Variants in AGMO observed in about 807,000 individuals in gnomAD.
The protein encoded by AGMO is glyceryl-ether monooxygenase.
AGMO carries 75 observed loss-of-function variants against 60.2 expected under a neutral mutation model. The ratio of observed to expected loss-of-function variants is 1.25; its 90% confidence interval spans 1.03 to 1.51. AGMO has a LOEUF of 1.51. Ranked by LOEUF, AGMO falls within the 40% of genes most tolerant of loss-of-function variation. The probability of loss-of-function intolerance (pLI) is 0.00; values close to 1 mark genes in which losing one functional copy is unlikely to be tolerated. For synonymous variants in AGMO, 261 were observed against 177.1 expected (o/e 1.47, Z -3.76); for missense variants, 763 against 525.5 (o/e 1.45, Z -4.42).
intron 12 of AGMO, among the ~76,000 whole-genome samples, chr7:15,233,077 T>TA: frequency 6.6e-6 from 1 of 152,332 alleles, no homozygotes; most frequent in South Asian, 2.1e-4. Flanking sequence ...AATAGCCATG[T>TA]AGGTTTGATT....
At chr7:15,501,277 T>C (rs1783380211) in intron 3 of AGMO, among the ~76,000 whole-genome samples, 1 of 151,928 alleles carries the variant, frequency 6.6e-6, no homozygotes, top group African/African-American at 2.4e-5. Flanking sequence ...ATGCTGTCAG[T>C]AGGGTGGCAA....
intron 3 of AGMO, among the ~76,000 whole-genome samples, chr7:15,451,970 A>G (rs1437902246): frequency 6.6e-6 from 1 of 152,220 alleles, no homozygotes; most frequent in Admixed American, 6.5e-5. Flanking sequence ...GGATTGGCCA[A>G]GACACAGCTA....
chr7:15,198,286 C>T (rs898524535), downstream of AGMO, among the ~76,000 whole-genome samples: 3 of 136,274 alleles, frequency 2.2e-5, no homozygotes, highest in Admixed American at 1.5e-4. Context: ...TGTTAAAGTC[C>T]TTCCAGTAAG....
At chr7:15,535,704 T>C (rs1025890050) in intron 3 of AGMO, among the ~76,000 whole-genome samples, 1 of 151,940 alleles carries the variant, frequency 6.6e-6, no homozygotes, top group Non-Finnish European at 1.5e-5. Context: ...ACATGAGATA[T>C]TTTGGTGCAG....
At chr7:15,368,842 T>C (rs1783090002) in intron 10 of AGMO, among the ~76,000 whole-genome samples, 1 of 149,978 alleles carries the variant, frequency 6.7e-6, no homozygotes, top group Admixed American at 6.6e-5. Flanking sequence ...AATAACTCTT[T>C]ACCAAACTGC....
intron 12 of AGMO, among the ~76,000 whole-genome samples, chr7:15,278,329 C>T (rs1315309133): frequency 6.6e-6 from 1 of 152,178 alleles, no homozygotes; most frequent in Admixed American, 6.5e-5. Context: ...CCTTAGGACC[C>T]GGGGAGAGTG....
chr7:15,199,244 T>C (rs2115461359), downstream of AGMO, among the ~76,000 whole-genome samples: 1 of 152,300 alleles, frequency 6.6e-6, no homozygotes, highest in South Asian at 2.1e-4. Flanking sequence ...TTGGCACAAA[T>C]TTGTATCTTG....
At chr7:15,469,717 G>C (rs150064312) in intron 3 of AGMO, among the ~76,000 whole-genome samples, 59 of 152,154 alleles carry the variant, frequency 3.9e-4, no homozygotes, top group Admixed American at 2.6e-4. Context: ...TTATGAGATG[G>C]TGATGATATT....
At chr7:15,402,615 TATATATTAA>T (rs898772583) in intron 5 of AGMO, among the ~76,000 whole-genome samples, 1 of 147,588 alleles carries the variant, frequency 6.8e-6, no homozygotes. Flanking sequence ...TTAATAATAA[TATATATTAA>T]ATATATTAAA....
At chr7:15,483,672 T>C (rs932958389) in intron 3 of AGMO, among the ~76,000 whole-genome samples, 1 of 152,078 alleles carries the variant, frequency 6.6e-6, no homozygotes, top group Non-Finnish European at 1.5e-5. Flanking sequence ...TTAGAAGGAA[T>C]TATTGAAAAA....
At chr7:15,386,571 G>C (rs142533311) in intron 9 of AGMO, among the ~76,000 whole-genome samples, 2 of 152,124 alleles carry the variant, frequency 1.3e-5, no homozygotes, top group Non-Finnish European at 2.9e-5. Context: ...TATTCCTAGC[G>C]GCGTTGGTAA....
chr7:15,555,205 TA>T (rs1785094208), intron 2 of AGMO, among the ~76,000 whole-genome samples: 1 of 150,210 alleles, frequency 6.7e-6, no homozygotes, highest in Non-Finnish European at 1.5e-5. Context: ...AATCAATATT[TA>T]AAAAAGATTA....
chr7:15,144,458 A>T, the AGMO span, among the ~76,000 whole-genome samples: 1 of 152,244 alleles, frequency 6.6e-6, no homozygotes, highest in Non-Finnish European at 1.5e-5. Context: ...TACCCAGAAA[A>T]GTATAAGAAA....
At chr7:15,429,404 G>C (rs568522974) in intron 4 of AGMO, among the ~76,000 whole-genome samples, 1 of 152,124 alleles carries the variant, frequency 6.6e-6, no homozygotes, top group East Asian at 1.9e-4. Context: ...AACGCCATGT[G>C]AAAATAAGAA....
chr7:15,368,220 G>C (rs1020688687), intron 10 of AGMO, among the ~76,000 whole-genome samples: 12 of 150,594 alleles, frequency 8.0e-5, no homozygotes, highest in East Asian at 7.8e-4. Flanking sequence ...CAGAGCAAGA[G>C]AGTGCTATTA....
intron 12 of AGMO, among the ~76,000 whole-genome samples, chr7:15,332,597 T>G (rs965224492): frequency 1.3e-5 from 2 of 152,158 alleles, no homozygotes; most frequent in Non-Finnish European, 2.9e-5. Flanking sequence ...TTAGAAGCTG[T>G]ATGACCCTTG....
chr7:15,384,659 G>A (rs879849732), intron 10 of AGMO, among the ~76,000 whole-genome samples: 2 of 151,754 alleles, frequency 1.3e-5, no homozygotes, highest in Non-Finnish European at 2.9e-5. Flanking sequence ...TTGGTAACAA[G>A]GTATAAAAAC....
intron 12 of AGMO, among the ~76,000 whole-genome samples, chr7:15,238,420 A>C (rs996244137): frequency 1.3e-5 from 2 of 151,912 alleles, no homozygotes; most frequent in Non-Finnish European, 2.9e-5. Context: ...AATTGTGTTT[A>C]ATATTCCCAA....
intron 12 of AGMO, among the ~76,000 whole-genome samples, chr7:15,219,632 G>C (rs576042383): frequency 1.3e-5 from 2 of 152,052 alleles, no homozygotes; most frequent in Non-Finnish European, 2.9e-5. Flanking sequence ...TATGTGATTC[G>C]ATTTACTCTT....
Sources: gnomAD v4.1 joint callset for allele counts (sites outside exome capture counted in the v4.1 genomes callset) on GRCh38, gnomAD v4.1.1 for gene constraint, MANE v1.5 for transcripts, NCBI Gene and HGNC (gene_info 2026-07-23, HGNC 2026-07-21) for gene names.